EPB41L4B: variants seen among roughly 807,000 people sequenced by gnomAD.
The protein encoded by EPB41L4B is band 4.1-like protein 4B.
Under a neutral mutation model 112.5 loss-of-function variants are expected in EPB41L4B, and 30 were observed. That is an observed-to-expected ratio of 0.27 (90% CI 0.20 to 0.36). The LOEUF is 0.36. EPB41L4B is among the 10% of genes least tolerant of loss of function. EPB41L4B has a pLI of 1.00. For missense variants in EPB41L4B, 1,024 were observed against 1,133.3 expected (o/e 0.90, Z 1.38); for synonymous variants, 408 against 439.7 (o/e 0.93, Z 0.90).
At chr9:109,194,769 T>C (rs547044344) in intron 20 of EPB41L4B, among the ~76,000 whole-genome samples, 1 of 152,314 alleles carries the variant, frequency 6.6e-6, no homozygotes, top group African/African-American at 2.4e-5. Flanking sequence ...AGAAACTCTG[T>C]ATTGATATTG....
intron 17 of EPB41L4B, among the ~76,000 whole-genome samples, chr9:109,211,445 A>AT (rs377644663): frequency 2.0e-3 from 308 of 151,830 alleles, no homozygotes; most frequent in African/African-American, 7.1e-3. Context: ...AAATATAAAA[A>AT]TTAGCCAGGT....
chr9:109,197,210 G>A (rs1023292598), intron 20 of EPB41L4B, among the ~76,000 whole-genome samples: 1 of 152,104 alleles, frequency 6.6e-6, no homozygotes, highest in Non-Finnish European at 1.5e-5. Flanking sequence ...ATCACCTGAG[G>A]TCAGGAGTTC....
At chr9:109,246,197 T>G (rs1341575735) in intron 14 of EPB41L4B, among the ~76,000 whole-genome samples, 1 of 152,068 alleles carries the variant, frequency 6.6e-6, no homozygotes. Flanking sequence ...AGGTCAGGAG[T>G]TTGAGACCAG....
In EPB41L4B at chr9:109,192,351, G is replaced by A; in HGVS notation, c.2228C>T (p.Pro743Leu). Residue 743 changes from proline to leucine, a missense_variant, in exon 22 of 26, where the codon CCC (proline) becomes CTC (leucine). Physicochemically the swap from Pro to Leu is moderately conservative, Grantham distance 98 (BLOSUM62 -3). Coordinates refer to ENST00000374566, the MANE Select transcript of EPB41L4B (RefSeq NM_019114.5). Reference protein sequence around the residue: ...KGLLSPGAKSPSDRGGAFTLE... With the variant: ...KGLLSPGAKSLSDRGGAFTLE... ...GGTAAAGGCACCTCCTCGGTCAGAG[G>A]GGCTCTAGGGAGACAGACAAACACC... is the stretch of plus-strand genomic sequence containing the variant. 1 of 1,603,548 alleles carries A rather than the reference G, an allele frequency of 6.2e-7. No homozygotes were observed. The highest frequency in any genetic ancestry group is 2.2e-5 in the East Asian group (1 of 44,734).
intron 20 of EPB41L4B, among the ~76,000 whole-genome samples, chr9:109,196,864 G>C (rs1832659042): frequency 6.6e-6 from 1 of 151,800 alleles, no homozygotes; most frequent in African/African-American, 2.4e-5. Context: ...ATTTTTGTCT[G>C]TATCTTTAAA....
chr9:109,241,480 AGTAAATTAT>A, intron 15 of EPB41L4B: 1 of 1,382,616 alleles, frequency 7.2e-7, no homozygotes, highest in Non-Finnish European at 9.3e-7. Context: ...TGCAGTCAAC[AGTAAATTAT>A]GACAAGCTAT....
At chr9:109,217,461 A>G (rs577735140) in intron 15 of EPB41L4B, among the ~76,000 whole-genome samples, 1 of 152,340 alleles carries the variant, frequency 6.6e-6, no homozygotes, top group South Asian at 2.1e-4. Flanking sequence ...ATAAAAAATC[A>G]TTTGTAAATA....
chr9:109,241,830 A>G (rs1175350562), intron 15 of EPB41L4B: 1 of 1,613,792 alleles, frequency 6.2e-7, no homozygotes, highest in Non-Finnish European at 8.5e-7. Flanking sequence ...TGCAGAGCGA[A>G]TGGTTAGTGG....
At chr9:109,276,046 T>A (rs573385897) in intron 2 of EPB41L4B, among the ~76,000 whole-genome samples, 44 of 147,944 alleles carry the variant, frequency 3.0e-4, no homozygotes, top group African/African-American at 9.8e-4. Flanking sequence ...TATATATATA[T>A]AAAATATATG....
intron 13 of EPB41L4B, among the ~76,000 whole-genome samples, chr9:109,249,598 G>C (rs927050712): frequency 1.3e-5 from 2 of 150,330 alleles, no homozygotes; most frequent in African/African-American, 4.9e-5. Flanking sequence ...GGAGAAACAA[G>C]CAAAACAATC....
chr9:109,213,798 C>T lies in EPB41L4B; in HGVS notation c.1654G>A (p.Ala552Thr), dbSNP rs778827646. ...TGGGCAGCGGCTTCACTGAACAAGG[C>T]AGGTGTTCCTGGACTCAGTTCTACA... The part of the protein sequence containing the change: ...SLTKLSPGTP[A>T]LFSEAAAHLK... The change falls in exon 17 of 26, where the codon GCC (alanine) becomes ACC (threonine). Residue 552 changes from alanine (A) to threonine (T), a missense_variant. Coordinates refer to ENST00000374566, the MANE Select transcript of EPB41L4B (RefSeq NM_019114.5). 6.2e-7 allele frequency: 1 copy of T among 1,614,084 alleles called. No individual in the cohort carries two copies. Among genetic ancestry groups the T allele is most frequent in the Non-Finnish European group, 8.5e-7 (1 of 1,179,988 alleles).
At chr9:109,238,862 G>GTGAGTAATTGCT in intron 15 of EPB41L4B, among the ~76,000 whole-genome samples, 2 of 152,332 alleles carry the variant, frequency 1.3e-5, no homozygotes, top group Middle Eastern at 6.8e-3. Context: ...TAACAGCAGG[G>GTGAGTAATTGCT]TGTGGCACAT....
At chr9:109,268,721 A>AC (rs1464595908) in intron 2 of EPB41L4B, among the ~76,000 whole-genome samples, 1 of 151,778 alleles carries the variant, frequency 6.6e-6, no homozygotes, top group Non-Finnish European at 1.5e-5. Flanking sequence ...ACACGGTGAA[A>AC]CCCCGTCTCT....
intron 24 of EPB41L4B, among the ~76,000 whole-genome samples, chr9:109,177,602 AC>A (rs1397428167): frequency 2.0e-5 from 3 of 151,972 alleles, no homozygotes; most frequent in Admixed American, 2.0e-4. Flanking sequence ...TGGGTGGATC[AC>A]CTGAGGTCAG....
At chr9:109,282,839 C>T (rs905163141) in intron 1 of EPB41L4B, among the ~76,000 whole-genome samples, 2 of 151,726 alleles carry the variant, frequency 1.3e-5, no homozygotes, top group Admixed American at 6.6e-5. Context: ...TACAGGCGTG[C>T]GCCACCAAGC....
At chr9:109,276,033 T>TTATA (rs34358736) in intron 2 of EPB41L4B, among the ~76,000 whole-genome samples, 47 of 147,198 alleles carry the variant, frequency 3.2e-4, no homozygotes, top group African/African-American at 1.1e-3. Context: ...ATTTAAAGTT[T>TTATA]TATATATATA....
chr9:109,253,545 C>T lies in EPB41L4B; in HGVS notation c.1175G>A (p.Arg392Gln), dbSNP rs1235144015. ...GCCATGTGTAGCTTGATATTCTGTC[C>T]GCCCACTGGGAAGTAAATATTTTCT... ...RLGSRFRFSGRTEYQATHGSR... is the reference protein window; with the variant it reads ...RLGSRFRFSGQTEYQATHGSR... The change falls in exon 12 of 26, where the codon CGG (arginine) becomes CAG (glutamine). Residue 392 changes from arginine to glutamine, a missense_variant. Arg to Gln is a conservative substitution (Grantham distance 43, BLOSUM62 1). Transcript: ENST00000374566. The T allele has an allele frequency of 9.4e-6, 15 of 1,603,294 alleles. No homozygotes were observed. The highest frequency in any genetic ancestry group is 1.3e-5 in the African/African-American group (1 of 74,618).
intron 1 of EPB41L4B, among the ~76,000 whole-genome samples, chr9:109,312,062 A>G (rs976802026): frequency 1.3e-5 from 2 of 152,222 alleles, no homozygotes; most frequent in Non-Finnish European, 2.9e-5. Flanking sequence ...AGAGAATAAG[A>G]GTTGAATTTA....
intron 1 of EPB41L4B, among the ~76,000 whole-genome samples, chr9:109,299,261 T>A (rs534807198): frequency 6.6e-6 from 1 of 152,322 alleles, no homozygotes; most frequent in East Asian, 1.9e-4. Context: ...AAGAACCTTG[T>A]ATGGCTCTCT....
Sources: gnomAD v4.1 joint callset for allele counts (sites outside exome capture counted in the v4.1 genomes callset) on GRCh38, gnomAD v4.1.1 for gene constraint, MANE v1.5 for transcripts, NCBI Gene and HGNC (gene_info 2026-07-23, HGNC 2026-07-21) for gene names.